Variants in TRDN observed in about 807,000 individuals in gnomAD.
The protein encoded by TRDN is triadin in skeletal muscle.
In TRDN, 161 loss-of-function variants were observed where a neutral mutation model predicts 149.7. That is an observed-to-expected ratio of 1.08 (90% CI 0.95 to 1.23). TRDN has a LOEUF of 1.23. Ranked by LOEUF, TRDN falls within the 50% of genes most tolerant of loss-of-function variation. TRDN has a pLI of 0.00. For missense variants in TRDN, 896 were observed against 823.5 expected, an observed-to-expected ratio of 1.09 and a Z score of -1.08; for synonymous variants, 294 against 250.5, an observed-to-expected ratio of 1.17 and a Z score of -1.64.
intron 2 of TRDN, among the ~76,000 whole-genome samples, chr6:123,550,774 G>A (rs995841380): frequency 6.6e-6 from 1 of 151,866 alleles, no homozygotes; most frequent in Admixed American, 6.6e-5. Flanking sequence ...AGTGACCCCA[G>A]GAATAAAATG....
At chr6:123,543,752 T>C (rs968846939) in intron 4 of TRDN, among the ~76,000 whole-genome samples, 8 of 152,102 alleles carry the variant, frequency 5.3e-5, no homozygotes, top group African/African-American at 1.4e-4. Flanking sequence ...AAAAACTGAG[T>C]TGATGGACTC....
intron 9 of TRDN, chr6:123,470,046 T>C (rs760494188): frequency 6.6e-5 from 10 of 152,220 alleles, no homozygotes; most frequent in Non-Finnish European, 1.5e-4. Flanking sequence ...CTAAGCCTTT[T>C]GTTCTGGATA....
At position 123,269,781 on chromosome 6, in the gene TRDN, T is replaced by A; in HGVS notation, c.1738+68A>T. 4 of 1,531,394 alleles carry A rather than the reference T, an allele frequency of 2.6e-6. No homozygotes were observed. In the South Asian group the frequency reaches 4.8e-5, roughly 18 times the overall value. The allele number at this position is 1,531,394 out of a possible 1,614,324, so 94.9% of individuals were successfully genotyped here. Reference sequence around the variant, plus strand: ...AAAATAACATTTTTCTTAAAAAAACTAAGCAAAATTGTTAAAGCTGAAATG... The same window carrying A: ...AAAATAACATTTTTCTTAAAAAAACAAAGCAAAATTGTTAAAGCTGAAATG... On this transcript the variant is annotated intron_variant, in intron 31 of 40. Transcript: ENST00000334268.
intron 20 of TRDN, among the ~76,000 whole-genome samples, chr6:123,354,756 G>A (rs1780595119): frequency 1.3e-5 from 2 of 151,660 alleles, no homozygotes; most frequent in Admixed American, 1.3e-4. Flanking sequence ...ACAGTGTGAG[G>A]AAGAAGTGAT....
chr6:123,417,289 T>G (rs945906955), intron 12 of TRDN, among the ~76,000 whole-genome samples: 1 of 151,568 alleles, frequency 6.6e-6, no homozygotes, highest in Non-Finnish European at 1.5e-5. Flanking sequence ...TCAGGTATTA[T>G]TGGCCTAAAA....
chr6:123,258,547 T>C (rs1389797481), intron 35 of TRDN, among the ~76,000 whole-genome samples: 1 of 152,206 alleles, frequency 6.6e-6, no homozygotes, highest in Non-Finnish European at 1.5e-5. Context: ...CAGTGTTTTA[T>C]TGAGGATTTT....
chr6:123,543,799 T>A (rs1263291100), intron 4 of TRDN, among the ~76,000 whole-genome samples: 1 of 152,136 alleles, frequency 6.6e-6, no homozygotes, highest in Non-Finnish European at 1.5e-5. Flanking sequence ...ATTATCAACT[T>A]AAAATATTTA....
chr6:123,266,273 A>T (rs1208025279), intron 32 of TRDN, among the ~76,000 whole-genome samples: 2 of 29,234 alleles, frequency 6.8e-5, no homozygotes, highest in Non-Finnish European at 1.5e-4. Context: ...ATATATAGTA[A>T]TATATATTAT....
chr6:123,330,632 G>T (rs1779625541), intron 23 of TRDN, among the ~76,000 whole-genome samples: 1 of 151,964 alleles, frequency 6.6e-6, no homozygotes, highest in African/African-American at 2.4e-5. Context: ...AAGCTATGTT[G>T]CTTTAATTTT....
At chr6:123,520,743 T>C (rs573606045) in intron 5 of TRDN, among the ~76,000 whole-genome samples, 3 of 152,186 alleles carry the variant, frequency 2.0e-5, no homozygotes, top group Non-Finnish European at 2.9e-5. Flanking sequence ...TGGGGCTACA[T>C]AGCCATAGTA....
chr6:123,345,230 A>G (rs1230307480), intron 21 of TRDN, among the ~76,000 whole-genome samples: 2 of 151,946 alleles, frequency 1.3e-5, no homozygotes, highest in East Asian at 1.9e-4. Context: ...GAGGACGTAA[A>G]GACTATTTTT....
chr6:123,393,036 T>C (rs1036247125), intron 13 of TRDN, among the ~76,000 whole-genome samples: 1 of 152,098 alleles, frequency 6.6e-6, no homozygotes, highest in Non-Finnish European at 1.5e-5. Flanking sequence ...GGCAGAACAC[T>C]TGAACCCTTC....
intron 31 of TRDN, among the ~76,000 whole-genome samples, chr6:123,268,042 G>A (rs913203418): frequency 2.0e-5 from 3 of 152,090 alleles, no homozygotes; most frequent in African/African-American, 7.2e-5. Context: ...TGGCAAAAAG[G>A]AGAATAAGAA....
chr6:123,353,627 AAGAC>A (rs950007088), intron 20 of TRDN, among the ~76,000 whole-genome samples: 2 of 151,736 alleles, frequency 1.3e-5, no homozygotes, highest in African/African-American at 4.8e-5. Flanking sequence ...TCTTTGTAAA[AAGAC>A]AGTGTAATTA....
chr6:123,262,975 A>G (rs2114593825), intron 33 of TRDN, among the ~76,000 whole-genome samples: 1 of 152,176 alleles, frequency 6.6e-6, no homozygotes, highest in African/African-American at 2.4e-5. Flanking sequence ...ATGGCCTCTT[A>G]GTATTCACAA....
At chr6:123,454,125 TGGG>T (rs1562322233) in intron 10 of TRDN, among the ~76,000 whole-genome samples, 1 of 151,164 alleles carries the variant, frequency 6.6e-6, no homozygotes, top group Non-Finnish European at 1.5e-5. Context: ...TTTGCGGACT[TGGG>T]GGAAGAGTGG....
Position 123,331,486 on chromosome 6 carries a change from T to C in TRDN, c.1471+393A>G, listed in dbSNP as rs561483921. Among the ~76,000 whole-genome samples, 3 of 152,194 alleles carry C rather than the reference T, an allele frequency of 2.0e-5. 1 individual carries two copies. The South Asian group carries it at 6.2e-4, about 32-fold the overall frequency. On this transcript the variant is annotated intron_variant, in intron 23 of 40. Coordinates refer to ENST00000334268, the MANE Select transcript of TRDN (RefSeq NM_006073.4). Reference sequence around the variant, plus strand: ...AATATGTTTAGGATTCTATTATATATGAACTTACAGAATCAAAAGATTTCA... The same window carrying C: ...AATATGTTTAGGATTCTATTATATACGAACTTACAGAATCAAAAGATTTCA...
chr6:123,308,209 G>T (rs566476147), intron 24 of TRDN, among the ~76,000 whole-genome samples: 1 of 152,126 alleles, frequency 6.6e-6, no homozygotes, highest in Admixed American at 6.6e-5. Flanking sequence ...TTTTATGGCT[G>T]CATAGTATTC....
At chr6:123,493,884 C>T (rs1778325216) in intron 9 of TRDN, among the ~76,000 whole-genome samples, 1 of 152,122 alleles carries the variant, frequency 6.6e-6, no homozygotes, top group South Asian at 2.1e-4. Context: ...ATATTTAATG[C>T]TTTCTCACTC....
Sources: gnomAD v4.1 joint callset for allele counts (sites outside exome capture counted in the v4.1 genomes callset) on GRCh38, gnomAD v4.1.1 for gene constraint, MANE v1.5 for transcripts, NCBI Gene and HGNC (gene_info 2026-07-23, HGNC 2026-07-21) for gene names.